Variants in PTPRC observed in about 807,000 individuals in gnomAD.
PTPRC encodes the protein protein tyrosine phosphatase receptor type C, also known as receptor-type tyrosine-protein phosphatase C.
Under a neutral mutation model 155.9 loss-of-function variants are expected in PTPRC, and 44 were observed. The observed-to-expected ratio is 0.28, with a 90% CI of 0.22 to 0.36. The LOEUF is 0.36. PTPRC is among the 10% of genes least tolerant of loss of function. The probability of loss-of-function intolerance (pLI) is 1.00; values close to 1 mark genes in which losing one functional copy is unlikely to be tolerated. For missense variants in PTPRC, 1,401 were observed against 1,564.6 expected, an observed-to-expected ratio of 0.90 and a Z score of 1.76; for synonymous variants, 525 against 533.1, an observed-to-expected ratio of 0.98 and a Z score of 0.21.
intron 20 of PTPRC, among the ~76,000 whole-genome samples, chr1:198,733,667 T>C (rs552900027): frequency 6.6e-6 from 1 of 151,872 alleles, no homozygotes; most frequent in East Asian, 1.9e-4. Context: ...ACATAGTAGG[T>C]AATGAAATGA....
At chr1:198,694,888 A>G (rs1666118134) in intron 3 of PTPRC, 1 of 968,212 alleles carries the variant, frequency 1.0e-6, no homozygotes. Flanking sequence ...GGTAGTTACT[A>G]TCCTATTACT....
chr1:198,750,178 TTAAG>T (rs1457579070), intron 28 of PTPRC, among the ~76,000 whole-genome samples: 3 of 152,014 alleles, frequency 2.0e-5, no homozygotes, highest in Admixed American at 2.0e-4. Flanking sequence ...TTTGAAATGC[TTAAG>T]TAATTCCTTT....
intron 12 of PTPRC, among the ~76,000 whole-genome samples, chr1:198,715,315 G>A (rs1442370945): frequency 6.6e-6 from 1 of 151,896 alleles, no homozygotes. Context: ...AGTAGAGACG[G>A]GGTTTCACTG....
Position 198,639,252 on chromosome 1 carries a change from A to C in PTPRC, c.-17A>C. The C allele has an allele frequency of 1.2e-6, 2 of 1,612,734 alleles. No homozygotes were observed. The highest frequency in any genetic ancestry group is 4.5e-5 in the East Asian group (2 of 44,822). ...AGGACGCATGCTGTTTCTTAGGGAC[A>C]CGGCTGACTTCCAGATATGACCATG... On this transcript the variant is annotated 5_prime_UTR_variant, in exon 2 of 33. Coordinates refer to ENST00000442510, the MANE Select transcript of PTPRC (RefSeq NM_002838.5).
rs539471231 is a variant in PTPRC at position 198,728,142 on chromosome 1, C to T, written c.1721-198C>T. ...ACTCTCCTTAAATATAAAATGTTTT[C>T]ATTGGTTCAGAACAATATAGCCAAA... On this transcript the variant is annotated intron_variant, in intron 15 of 32. Coordinates refer to ENST00000442510, the MANE Select transcript of PTPRC (RefSeq NM_002838.5). 2.0e-5 allele frequency among the ~76,000 whole-genome samples: 3 copies of T among 152,154 alleles called. No homozygotes were observed. The South Asian group carries it at 6.2e-4, about 32-fold the overall frequency.
At chr1:198,684,937 G>T (rs1571830466) in intron 2 of PTPRC, among the ~76,000 whole-genome samples, 1 of 151,934 alleles carries the variant, frequency 6.6e-6, no homozygotes, top group Non-Finnish European at 1.5e-5. Flanking sequence ...TTAATAAAAG[G>T]CCTCAATAAA....
chr1:198,726,872 T>G (rs1654160244), intron 15 of PTPRC, among the ~76,000 whole-genome samples: 1 of 151,494 alleles, frequency 6.6e-6, no homozygotes. Context: ...TTTCCTTTTT[T>G]TTTTTTTCTT....
Position 198,708,120 on chromosome 1 carries a change from ATCTTCTTG to A in PTPRC, c.905-10_905-3del. The A allele has an allele frequency of 1.3e-6, 2 of 1,595,706 alleles. No individual in the cohort carries two copies. Among genetic ancestry groups the A allele is most frequent in the Non-Finnish European group, 1.7e-6 (2 of 1,164,742 alleles). ...AAATACTAATCAAGTTTATTTCTGT[ATCTTCTTG>A]TCAGGGGTTGAAAAGTTTCAGTTAC... On this transcript the variant is annotated splice_region_variant and splice_polypyrimidine_tract_variant and intron_variant, in intron 9 of 32. Transcript: ENST00000442510.
intron 2 of PTPRC, among the ~76,000 whole-genome samples, chr1:198,657,076 ACT>A (rs1377750046): frequency 1.3e-5 from 2 of 150,844 alleles, no homozygotes; most frequent in African/African-American, 2.4e-5. Flanking sequence ...ACACACACAC[ACT>A]GTATGTATTC....
intron 6 of PTPRC, 102 bp downstream of exon 6, chr1:198,702,632 AG>A (rs1294386569): frequency 1.6e-5 from 24 of 1,501,320 alleles, no homozygotes; most frequent in African/African-American, 1.5e-4. Flanking sequence ...TATTATTTGT[AG>A]GTTTCCCATT....
At chr1:198,689,168 TA>T (rs74359027) in intron 2 of PTPRC, among the ~76,000 whole-genome samples, 21,308 of 152,144 alleles carry the variant, frequency 0.14, 1,670 homozygotes, top group South Asian at 0.22. Flanking sequence ...TAAAATAATA[TA>T]CATCATGTAT....
intron 12 of PTPRC, among the ~76,000 whole-genome samples, chr1:198,713,948 TA>T (rs1296537105): frequency 6.6e-6 from 1 of 152,254 alleles, no homozygotes; most frequent in Non-Finnish European, 1.5e-5. Context: ...CTAGTGTCTT[TA>T]GGTCTTAATA....
Position 198,734,410 on chromosome 1 carries a change from T to C in PTPRC, c.2262T>C (p.Cys754=). Residue 754 remains cysteine, a synonymous_variant, in exon 22 of 33, where the codon TGT becomes TGC. Transcript: ENST00000442510. The stretch of plus-strand genomic sequence containing the variant: ...CAGTTATTGTCATGGTCACTCGATG[T>C]GAAGAAGGAAACAGGGTAAGAACCA... The part of the protein sequence containing the change: ...KATVIVMVTR[C]EEGNRNKCAE... The C allele has an allele frequency of 6.2e-7, 1 of 1,610,936 alleles. No homozygotes were observed. Among genetic ancestry groups the C allele is most frequent in the Non-Finnish European group, 8.5e-7 (1 of 1,177,758 alleles).
intron 2 of PTPRC, among the ~76,000 whole-genome samples, chr1:198,642,425 C>T (rs1286960581): frequency 1.4e-5 from 2 of 145,044 alleles, no homozygotes; most frequent in African/African-American, 2.5e-5. Flanking sequence ...GTCTATTTGG[C>T]GTTCCCATGA....
rs1379972710 is a variant in PTPRC, at chr1:198,745,712, G to A, written c.2847+1509G>A. Among the ~76,000 whole-genome samples, 4 of 151,720 alleles carry A rather than the reference G, an allele frequency of 2.6e-5. No homozygotes were observed. In the Admixed American group the frequency reaches 2.6e-4, roughly 10 times the overall value. ...GTAGAGGCTGTGTATGCAGATAGTT[G>A]AGTTAAACCTATCTAGGTTTTGAAA... On this transcript the variant is annotated intron_variant, in intron 26 of 32. Transcript: ENST00000442510.
At chr1:198,739,291 GAT>G (rs34064623) in intron 23 of PTPRC, among the ~76,000 whole-genome samples, 90,994 of 151,302 alleles carry the variant, frequency 0.6, 27,692 homozygotes, top group African/African-American at 0.65. Context: ...TGGCTGAATA[GAT>G]ATTAATAAAA....
At chr1:198,675,291 T>C (rs1664889360) in intron 2 of PTPRC, among the ~76,000 whole-genome samples, 1 of 152,130 alleles carries the variant, frequency 6.6e-6, no homozygotes, top group African/African-American at 2.4e-5. Context: ...AAAATATAGT[T>C]TGTTGAGGGA....
intron 3 of PTPRC, chr1:198,695,201 A>G (rs1263748807): frequency 3.8e-5 from 33 of 873,718 alleles, no homozygotes; most frequent in Admixed American, 6.2e-5. Context: ...TTCTCTAGTA[A>G]TATTGCAATT....
intron 12 of PTPRC, among the ~76,000 whole-genome samples, chr1:198,715,580 C>T (rs1331035387): frequency 1.3e-5 from 2 of 151,654 alleles, no homozygotes; most frequent in Admixed American, 6.6e-5. Flanking sequence ...AAGCAATAGG[C>T]ACCTTTCAAG....
Sources: allele counts gnomAD v4.1 joint callset (sites outside exome capture counted in the v4.1 genomes callset), GRCh38; gene constraint gnomAD v4.1.1; transcripts MANE v1.5; gene names NCBI Gene and HGNC (gene_info 2026-07-23, HGNC 2026-07-21).